MARK1: variants seen among roughly 807,000 people sequenced by gnomAD.
The protein encoded by MARK1 is microtubule affinity regulating kinase 1.
Under a neutral mutation model 96.3 loss-of-function variants are expected in MARK1, and 40 were observed. The ratio of observed to expected loss-of-function variants is 0.42; its 90% CI spans 0.32 to 0.54. The LOEUF (loss-of-function observed/expected upper bound fraction) is 0.54. Among genes scored for constraint, MARK1 ranks in the 20% least tolerant of loss-of-function variants. The pLI, the probability that MARK1 is intolerant of heterozygous loss-of-function variation, is 0.16. For synonymous variants in MARK1, 317 were observed against 341.2 expected (o/e 0.93, Z 0.78); for missense variants, 719 against 984.6 (o/e 0.73, Z 3.61).
At chr1:220,617,560 G>A (rs1421909705) in intron 7 of MARK1, among the ~76,000 whole-genome samples, 1 of 152,110 alleles carries the variant, frequency 6.6e-6, no homozygotes, top group African/African-American at 2.4e-5. Context: ...GTCCTTTATT[G>A]AGTTGCTTCT....
chr1:220,609,403 CT>C (rs1558295574), intron 6 of MARK1, among the ~76,000 whole-genome samples: 1 of 152,002 alleles, frequency 6.6e-6, no homozygotes, highest in East Asian at 1.9e-4. Context: ...TTTCCATTTG[CT>C]TGGTAGATCT....
chr1:220,552,810 C>G (rs1230132746), intron 1 of MARK1, among the ~76,000 whole-genome samples: 2 of 152,190 alleles, frequency 1.3e-5, no homozygotes, highest in Non-Finnish European at 2.9e-5. Context: ...ATCAACCTGT[C>G]ACTGGGTGAC....
At chr1:220,591,809 A>C (rs1204475832) in intron 3 of MARK1, among the ~76,000 whole-genome samples, 1 of 152,072 alleles carries the variant, frequency 6.6e-6, no homozygotes, top group African/African-American at 2.4e-5. Context: ...CCTTGTACAG[A>C]TCACACTCAT....
At chr1:220,580,509 T>A (rs1223320678) in intron 2 of MARK1, among the ~76,000 whole-genome samples, 1 of 152,090 alleles carries the variant, frequency 6.6e-6, no homozygotes, top group Non-Finnish European at 1.5e-5. Context: ...AAAATATTTT[T>A]AATAAATTTT....
At chr1:220,600,613 A>C (rs2102910249) in intron 5 of MARK1, among the ~76,000 whole-genome samples, 2 of 152,302 alleles carry the variant, frequency 1.3e-5, no homozygotes, top group East Asian at 3.9e-4. Context: ...GGAATTAATC[A>C]TTTAATAAGT....
chr1:220,652,977 C>G (rs1668963023), intron 15 of MARK1, 124 bp from the exon 16 acceptor site: 1 of 1,078,504 alleles, frequency 9.3e-7, no homozygotes, highest in Admixed American at 2.5e-5. Context: ...TCTCACATCT[C>G]TAATGTGAAC....
chr1:220,557,111 C>G (rs2786608), intron 1 of MARK1, among the ~76,000 whole-genome samples: 142,970 of 152,220 alleles, frequency 0.94, 67,843 homozygotes, highest in East Asian at 1. Context: ...GGCAAACTCA[C>G]AATAGAAAGA....
chr1:220,540,017 T>G (rs909162157), intron 1 of MARK1, among the ~76,000 whole-genome samples: 2 of 152,216 alleles, frequency 1.3e-5, no homozygotes, highest in Non-Finnish European at 2.9e-5. Flanking sequence ...CTTATCGTTG[T>G]TGGAAGGTTT....
At chr1:220,556,662 G>A (rs1463262516) in intron 1 of MARK1, among the ~76,000 whole-genome samples, 1 of 152,028 alleles carries the variant, frequency 6.6e-6, no homozygotes, top group Admixed American at 6.6e-5. Context: ...TTTAAAGGCA[G>A]TAATAAATAC....
chr1:220,595,035 G>A lies in MARK1; in HGVS notation c.310-3296G>A, dbSNP rs573714514. ...AGTGATAATGATGTGTAGCTCCATC[G>A]ATTATAACAAATGTACCTCTCTGGT... On this transcript the variant is annotated intron_variant, in intron 3 of 17. Coordinates refer to ENST00000366917, the MANE Select transcript of MARK1 (RefSeq NM_018650.5). 1.7e-4 allele frequency among the ~76,000 whole-genome samples: 26 copies of A among 152,240 alleles called. No individual in the cohort carries two copies. In the South Asian group the frequency reaches 5.2e-3, roughly 30 times the overall value.
chr1:220,589,797 A>G (rs1212414854), intron 3 of MARK1, among the ~76,000 whole-genome samples: 1 of 152,252 alleles, frequency 6.6e-6, no homozygotes, highest in East Asian at 1.9e-4. Context: ...AATGAGAAAG[A>G]AAAAGAACTG....
chr1:220,567,620 A>G (rs552621479), intron 1 of MARK1, among the ~76,000 whole-genome samples: 19 of 152,286 alleles, frequency 1.2e-4, no homozygotes, highest in African/African-American at 4.1e-4. Flanking sequence ...AAATATTGAA[A>G]GGCATTTGTT....
At chr1:220,607,920 G>GAT (rs956671521) in intron 6 of MARK1, among the ~76,000 whole-genome samples, 3 of 152,162 alleles carry the variant, frequency 2.0e-5, no homozygotes, top group Admixed American at 1.3e-4. Flanking sequence ...CATTGTGGTG[G>GAT]ATAAGCCTTT....
intron 6 of MARK1, among the ~76,000 whole-genome samples, chr1:220,614,032 G>C (rs982057624): frequency 2.6e-4 from 39 of 152,072 alleles, no homozygotes; most frequent in Admixed American, 6.6e-5. Context: ...TTTTGAGACA[G>C]AGTCTCACTC....
rs1354279343 is a variant in MARK1, at chr1:220,618,912, T to G, written c.909+157T>G. 1.3e-5 allele frequency among the ~76,000 whole-genome samples: 2 copies of G among 152,212 alleles called. No homozygotes were observed. The highest frequency in any genetic ancestry group is 2.9e-5 in the Non-Finnish European group (2 of 68,026). ...GGAAAATTACATGACTTTTTTTCAC[T>G]TTCAAAAGTTGCCACAGTAGCTGTC... is the stretch of plus-strand genomic sequence containing the variant. On this transcript the variant is annotated intron_variant, in intron 9 of 17. Transcript: ENST00000366917. The surrounding 1 kb of genome is among the most constrained non-coding windows in gnomAD (Gnocchi z 4.6).
chr1:220,554,053 G>A (rs955026437), intron 1 of MARK1, among the ~76,000 whole-genome samples: 21 of 152,174 alleles, frequency 1.4e-4, no homozygotes, highest in Non-Finnish European at 2.5e-4. Flanking sequence ...AAGGGTAGAA[G>A]GGCCCAGATG....
chr1:220,607,156 A>G (rs533935582), intron 6 of MARK1, among the ~76,000 whole-genome samples: 1 of 152,330 alleles, frequency 6.6e-6, no homozygotes, highest in Non-Finnish European at 1.5e-5. Context: ...ATCCGTGAGC[A>G]TGGAATATTC....
chr1:220,600,369 A>T (rs1292556061), intron 5 of MARK1, among the ~76,000 whole-genome samples: 2 of 152,184 alleles, frequency 1.3e-5, no homozygotes, highest in Admixed American at 1.3e-4. Flanking sequence ...TGTACATTTT[A>T]TATGTTAGAG....
At chr1:220,619,535 C>A (rs150613642) in intron 9 of MARK1, among the ~76,000 whole-genome samples, 105 of 152,138 alleles carry the variant, frequency 6.9e-4, no homozygotes, top group African/African-American at 2.5e-3. Context: ...AGAAAATTTA[C>A]AAATATTTAA....
Sources: allele counts gnomAD v4.1 joint callset (sites outside exome capture counted in the v4.1 genomes callset), GRCh38; gene constraint gnomAD v4.1.1; non-coding constraint Gnocchi (gnomAD v3.1); transcripts MANE v1.5; gene names NCBI Gene and HGNC (gene_info 2026-07-23, HGNC 2026-07-21).